HSPG2: variants seen among roughly 807,000 people sequenced by gnomAD.
HSPG2 encodes the protein heparan sulfate proteoglycan 2, also known as basement membrane-specific heparan sulfate proteoglycan core protein.
In HSPG2, 278 loss-of-function variants were observed where a neutral mutation model predicts 526.6. The observed-to-expected ratio is 0.53, with a 90% CI of 0.48 to 0.58. HSPG2 has a LOEUF of 0.58. Among genes scored for constraint, HSPG2 ranks in the 20% least tolerant of loss-of-function variants. The pLI is 0.00. For missense variants in HSPG2, 5,354 were observed against 6,099.5 expected, an observed-to-expected ratio of 0.88 and a Z score of 4.07; for synonymous variants, 2,465 against 2,555.4, an observed-to-expected ratio of 0.96 and a Z score of 1.07.
intron 75 of HSPG2, 76 bp downstream of exon 75, chr1:21,836,726 C>A: frequency 7.8e-7 from 1 of 1,288,692 alleles, no homozygotes; most frequent in Non-Finnish European, 1.1e-6. Context: ...CCCCCTGGGG[C>A]AGGTGCTTTA....
intron 1 of HSPG2, among the ~76,000 whole-genome samples, chr1:21,903,575 G>A (rs1643210541): frequency 6.6e-6 from 1 of 151,936 alleles, no homozygotes; most frequent in South Asian, 2.1e-4. Flanking sequence ...ACTCCAGCCT[G>A]GTCAACAAGA....
intron 33 of HSPG2, among the ~76,000 whole-genome samples, chr1:21,866,883 C>T (rs1277254529): frequency 6.6e-6 from 1 of 152,136 alleles, no homozygotes; most frequent in Non-Finnish European, 1.5e-5. Context: ...TACATGGCTA[C>T]AGGGATATTC....
In HSPG2 at chr1:21,846,448, C is replaced by T; in HGVS notation, c.8316G>A (p.Gln2772=). ...CCACCATTTCCTGCCAGCTGCATAC[C>T]TGATGGTGACTGGGGAGGCTGCCCC... is the stretch of plus-strand genomic sequence containing the variant. The part of the protein sequence containing the change: ...KRGGSLPSHH[Q]TRGSRLRLHH... Residue 2772 remains glutamine (Q), a splice_region_variant and synonymous_variant, in exon 63 of 97, where the codon CAG becomes CAA. Coordinates refer to ENST00000374695, the MANE Select transcript of HSPG2 (RefSeq NM_005529.7). 4 of 1,613,488 alleles carry T rather than the reference C, an allele frequency of 2.5e-6. No homozygotes were observed. The African/African-American group carries it at 4.0e-5, about 16-fold the overall frequency.
chr1:21,879,739 A>C (rs1572340966), intron 17 of HSPG2, among the ~76,000 whole-genome samples: 1 of 150,704 alleles, frequency 6.6e-6, no homozygotes. Flanking sequence ...TGTAACCTCC[A>C]CCTCCCGGGT....
intron 1 of HSPG2, among the ~76,000 whole-genome samples, chr1:21,925,581 A>T (rs1277485975): frequency 3.9e-5 from 6 of 152,214 alleles, no homozygotes; most frequent in Admixed American, 3.9e-4. Context: ...CTCTCTGGGG[A>T]ACATTATCAC....
intron 74 of HSPG2, 140 bp from the exon 75 acceptor site, chr1:21,837,146 T>C: frequency 2.6e-6 from 2 of 780,050 alleles, no homozygotes; most frequent in Non-Finnish European, 4.3e-6. Context: ...AAAAAGACCG[T>C]TCAGTGGCAG....
Position 21,851,614 on chromosome 1 carries a change from C to T in HSPG2, c.7090G>A (p.Val2364Met). The change falls in exon 55 of 97, where the codon GTG becomes ATG. Residue 2364 changes from valine to methionine, a missense_variant. Coordinates refer to ENST00000374695, the MANE Select transcript of HSPG2 (RefSeq NM_005529.7). ...EGQTLDLNCV[V>M]PGQSHAQVTW... ...ACCTGGGCATGGGACTGCCCGGGCA[C>T]CACGCAGTTCAGATCCAGGGTCTGC... 1 of 1,613,968 alleles carries T rather than the reference C, an allele frequency of 6.2e-7. No homozygotes were observed. The highest frequency in any genetic ancestry group is 8.5e-7 in the Non-Finnish European group (1 of 1,180,032).
intron 33 of HSPG2, among the ~76,000 whole-genome samples, chr1:21,867,415 C>T (rs955649514): frequency 3.9e-5 from 6 of 152,100 alleles, no homozygotes; most frequent in Non-Finnish European, 7.4e-5. Context: ...GCAGACTCCA[C>T]AGTCTGAATG....
At position 21,832,546 on chromosome 1, in the gene HSPG2, C is replaced by T. The variant is rs78280998; in HGVS notation, c.11156G>A (p.Arg3719Gln). Residue 3719 changes from arginine (R) to glutamine (Q), a missense_variant, in exon 81 of 97, where the codon CGG (arginine) becomes CAG (glutamine). Physicochemically the swap from Arg to Gln is conservative, Grantham distance 43. Transcript: ENST00000374695. ...VPGSPTNLAN[R>Q]QPDFISFGLV... ...GCCGAAGGAGATGAAGTCGGGCTGC[C>T]GGTTGGCCAGGTTGGTGGGGCTCCC... 5.9e-5 allele frequency: 96 copies of T among 1,614,224 alleles called. No individual in the cohort carries two copies. Among genetic ancestry groups the T allele is most frequent in the East Asian group, 1.6e-4 (7 of 44,878 alleles).
In HSPG2 at chr1:21,895,893, A is replaced by AG. The variant is rs1395087296; in HGVS notation, c.244+28dup. The AG allele has an allele frequency of 1.9e-6, 3 of 1,610,284 alleles. No homozygotes were observed. The highest frequency in any genetic ancestry group is 2.5e-6 in the Non-Finnish European group (3 of 1,176,884). ...GGGGCTTCCCTGGGGGACAGGAGGG[A>AG]GACCTGCAGGAGGCCTGCAGCAACT... On this transcript the variant is annotated intron_variant, in intron 3 of 96. Coordinates refer to ENST00000374695, the MANE Select transcript of HSPG2 (RefSeq NM_005529.7). This position sits in a 1 kb window ranked among gnomAD's most constrained non-coding sequence, Gnocchi z 4.1.
At chr1:21,909,581 C>G (rs1286329376) in intron 1 of HSPG2, among the ~76,000 whole-genome samples, 3 of 152,244 alleles carry the variant, frequency 2.0e-5, no homozygotes, top group African/African-American at 7.2e-5. Flanking sequence ...TCTGCCTCAT[C>G]AGTGGGGCTG....
intron 66 of HSPG2, 27 bp from the exon 67 acceptor site, chr1:21,842,948 A>G (rs994899362): frequency 1.8e-5 from 29 of 1,613,486 alleles, no homozygotes; most frequent in Non-Finnish European, 2.4e-5. Flanking sequence ...TGGGTGAGAG[A>G]GGCCAGGCTC....
At chr1:21,906,428 C>T (rs1426945679) in intron 1 of HSPG2, among the ~76,000 whole-genome samples, 5 of 152,210 alleles carry the variant, frequency 3.3e-5, no homozygotes, top group South Asian at 2.1e-4. Flanking sequence ...CCAAGGAGGT[C>T]GGCTCCCCCT....
At chr1:21,835,475 G>T in intron 76 of HSPG2, 65 bp downstream of exon 76, 1 of 1,042,484 alleles carries the variant, frequency 9.6e-7, no homozygotes, top group Middle Eastern at 2.6e-4. Flanking sequence ...TCTGGGCCTT[G>T]TGCCTCTCTG....
chr1:21,900,249 GGTT>G (rs1643021452), intron 1 of HSPG2, among the ~76,000 whole-genome samples: 1 of 152,214 alleles, frequency 6.6e-6, no homozygotes, highest in Non-Finnish European at 1.5e-5. Flanking sequence ...TGCAGTTCCT[GGTT>G]TGGCGGTGTG....
chr1:21,841,904 TG>T, intron 69 of HSPG2, 97 bp downstream of exon 69: 1 of 1,521,446 alleles, frequency 6.6e-7, no homozygotes. Context: ...ACCATGAATG[TG>T]GGGCGTCCAG....
Position 21,857,305 on chromosome 1 carries a change from T to A in HSPG2, c.5374A>T (p.Ile1792Phe), listed in dbSNP as rs1639416474. The A allele has an allele frequency of 6.2e-7, 1 of 1,613,994 alleles. No homozygotes were observed. Among genetic ancestry groups the A allele is most frequent in the African/African-American group, 1.3e-5 (1 of 74,894 alleles). ...CACACCTTGCTTTTGGCTGTGCAGA[T>A]GAAGGTGACGTCAGCTCCGGGGCGC... Reference protein sequence around the residue: ...SVRPGADVTFICTAKSKSPAY... With the variant: ...SVRPGADVTFFCTAKSKSPAY... Residue 1792 changes from isoleucine (I) to phenylalanine (F), a missense_variant, in exon 43 of 97, where the codon ATC becomes TTC. Coordinates refer to ENST00000374695, the MANE Select transcript of HSPG2 (RefSeq NM_005529.7).
chr1:21,867,061 T>C (rs1640284015), intron 33 of HSPG2, among the ~76,000 whole-genome samples: 1 of 92,026 alleles, frequency 1.1e-5, no homozygotes, highest in South Asian at 4.7e-4. Context: ...AAATTTTTTA[T>C]TTTTTTTTTC....
chr1:21,915,660 C>T (rs1028082131), intron 1 of HSPG2, among the ~76,000 whole-genome samples: 21 of 152,272 alleles, frequency 1.4e-4, no homozygotes, highest in African/African-American at 4.6e-4. Flanking sequence ...ACAGCGCTTC[C>T]GACAGAACTT....
Sources: allele counts gnomAD v4.1 joint callset (sites outside exome capture counted in the v4.1 genomes callset), GRCh38; gene constraint gnomAD v4.1.1; non-coding constraint Gnocchi (gnomAD v3.1); transcripts MANE v1.5; gene names NCBI Gene and HGNC (gene_info 2026-07-23, HGNC 2026-07-21).